The following CHD6 variants were observed in gnomAD, a reference collection of about 807,000 sequenced individuals.
CHD6 encodes chromodomain helicase DNA binding protein 6, also known as ATP-dependent chromatin remodeler CHD6.
CHD6 carries 50 observed loss-of-function variants against 276.9 expected under a neutral mutation model. The ratio of observed to expected loss-of-function variants is 0.18; its 90% CI spans 0.14 to 0.23. CHD6 has a LOEUF of 0.23. Among genes scored for constraint, CHD6 ranks in the 10% least tolerant of loss-of-function variants. CHD6 has a pLI of 1.00. For missense variants in CHD6, 2,564 were observed against 3,365.8 expected (o/e 0.76, Z 5.89); for synonymous variants, 1,173 against 1,229.3 (o/e 0.95, Z 0.96).
chr20:41,435,487 C>CCTA (rs1215746875), intron 27 of CHD6, among the ~76,000 whole-genome samples: 1 of 151,626 alleles, frequency 6.6e-6, no homozygotes, highest in Non-Finnish European at 1.5e-5. Context: ...ACCTGTGGTC[C>CCTA]CTACTACTTG....
intron 17 of CHD6, among the ~76,000 whole-genome samples, chr20:41,467,542 A>C (rs185676887): frequency 6.7e-6 from 1 of 149,936 alleles, no homozygotes; most frequent in Non-Finnish European, 1.5e-5. Context: ...AGAGAAATGA[A>C]TAACGACGTT....
chr20:41,587,856 G>A (rs2045612937), intron 1 of CHD6, among the ~76,000 whole-genome samples: 1 of 152,008 alleles, frequency 6.6e-6, no homozygotes, highest in Admixed American at 6.6e-5. Flanking sequence ...AAACCCTGCT[G>A]GGCAAAATAG....
At chr20:41,581,738 A>C (rs371908350) in intron 1 of CHD6, among the ~76,000 whole-genome samples, 3 of 152,308 alleles carry the variant, frequency 2.0e-5, no homozygotes, top group East Asian at 1.9e-4. Context: ...TGAAAAAGTA[A>C]ATCTACTAGT....
chr20:41,462,727 C>G (rs117629411), intron 17 of CHD6, among the ~76,000 whole-genome samples: 1 of 152,064 alleles, frequency 6.6e-6, no homozygotes, highest in Non-Finnish European at 1.5e-5. Context: ...GAAATAGATA[C>G]GGATATGCAT....
chr20:41,534,678 A>AAAAT (rs3055653), intron 2 of CHD6, among the ~76,000 whole-genome samples: 1,742 of 152,166 alleles, frequency 0.011, 27 homozygotes, highest in African/African-American at 0.035. Context: ...ACTACTTTCA[A>AAAAT]AAATAAATAA....
At chr20:41,560,424 C>A (rs1428997436) in intron 1 of CHD6, among the ~76,000 whole-genome samples, 2 of 152,200 alleles carry the variant, frequency 1.3e-5, no homozygotes, top group Non-Finnish European at 2.9e-5. Context: ...AAATTCAGAT[C>A]TGGTGTCATG....
At chr20:41,555,208 G>C (rs1215741973) in intron 1 of CHD6, among the ~76,000 whole-genome samples, 2 of 129,706 alleles carry the variant, frequency 1.5e-5, no homozygotes, top group African/African-American at 6.2e-5. Flanking sequence ...CTCACCTCCC[G>C]GATGGGGCGG....
intron 1 of CHD6, among the ~76,000 whole-genome samples, chr20:41,600,438 G>A (rs1385614871): frequency 6.6e-6 from 1 of 152,140 alleles, no homozygotes; most frequent in African/African-American, 2.4e-5. Flanking sequence ...AGTGAGGGGG[G>A]GGTCTTATCC....
Position 41,404,701 on chromosome 20 carries a change from G to A in CHD6, c.8040C>T (p.Ser2680=), listed in dbSNP as rs368334964. The A allele has an allele frequency of 1.6e-5, 26 of 1,595,664 alleles. No individual in the cohort carries two copies. The highest frequency in any genetic ancestry group is 1.0e-4 in the Admixed American group (6 of 57,664). Residue 2680 remains serine, a synonymous_variant, in exon 37 of 37, where the codon AGC becomes AGT. Coordinates refer to ENST00000373233, the MANE Select transcript of CHD6 (RefSeq NM_032221.5). ...TGGGTTCGGCACAGTTCTCATCACCGCTGGGCTCCCTTTCACAGCTGGGAG... is the reference window on the plus strand; with the variant it reads ...TGGGTTCGGCACAGTTCTCATCACCACTGGGCTCCCTTTCACAGCTGGGAG... The part of the protein sequence containing the change: ...EPAPSCEREP[S]GDENCAEPSA...
chr20:41,468,108 CT>C (rs34106201), intron 17 of CHD6, among the ~76,000 whole-genome samples: 542 of 136,546 alleles, frequency 4.0e-3, no homozygotes, highest in Non-Finnish European at 5.4e-3. Context: ...TCCTATCATT[CT>C]TTTTTTTTTT....
At chr20:41,454,549 CTT>C in intron 20 of CHD6, 75 bp downstream of exon 20, 7 of 1,130,806 alleles carry the variant, frequency 6.2e-6, no homozygotes, top group Non-Finnish European at 9.1e-6. Context: ...TAAATAATGA[CTT>C]GAGCTGTGTA....
chr20:41,466,039 C>T (rs570676811), intron 17 of CHD6, among the ~76,000 whole-genome samples: 1 of 152,076 alleles, frequency 6.6e-6, no homozygotes, highest in Non-Finnish European at 1.5e-5. Context: ...CCTGTCTCTA[C>T]TAAAAATACA....
Position 41,596,542 on chromosome 20 carries a change from CA to C in CHD6, c.-24+21797del, listed in dbSNP as rs375430902. On this transcript the variant is annotated intron_variant, in intron 1 of 36. Transcript: ENST00000373233. ...CGGTCAAAATATCCCTGCAGCAGAA[CA>C]AAAATTTCTGGCCCAAGACCCGCAA... Among the ~76,000 whole-genome samples the C allele has an allele frequency of 5.3e-5, 8 of 152,010 alleles. No homozygotes were observed. The East Asian group carries it at 1.2e-3, about 22-fold the overall frequency.
chr20:41,612,800 C>T (rs1334818861), intron 1 of CHD6, among the ~76,000 whole-genome samples: 1 of 152,106 alleles, frequency 6.6e-6, no homozygotes, highest in East Asian at 1.9e-4. Context: ...CAAGTCAATG[C>T]CCTTCGCAAT....
chr20:41,562,150 T>C (rs1226614720), intron 1 of CHD6, among the ~76,000 whole-genome samples: 2 of 152,182 alleles, frequency 1.3e-5, no homozygotes, highest in Admixed American at 1.3e-4. Flanking sequence ...TCTGAGAAGT[T>C]TCCTCAACTT....
chr20:41,588,827 A>G (rs1342673353), intron 1 of CHD6, among the ~76,000 whole-genome samples: 1 of 152,186 alleles, frequency 6.6e-6, no homozygotes, highest in African/African-American at 2.4e-5. Context: ...CTTATAGGAT[A>G]TGGTCTAAAA....
intron 3 of CHD6, among the ~76,000 whole-genome samples, chr20:41,530,564 G>T (rs2146056899): frequency 6.6e-6 from 1 of 152,280 alleles, no homozygotes; most frequent in African/African-American, 2.4e-5. Flanking sequence ...ACATATGTGT[G>T]TGTATATATA....
chr20:41,559,851 ACT>A, intron 1 of CHD6, among the ~76,000 whole-genome samples: 1 of 151,808 alleles, frequency 6.6e-6, no homozygotes, highest in African/African-American at 2.4e-5. Flanking sequence ...CCAAAACGAA[ACT>A]CAGTACCACC....
rs1877325077 is a variant in CHD6, at chr20:41,403,547, G to A, written c.*1046C>T. On this transcript the variant is annotated 3_prime_UTR_variant, in exon 37 of 37. Coordinates refer to ENST00000373233, the MANE Select transcript of CHD6 (RefSeq NM_032221.5). Reference sequence around the variant, plus strand: ...AATGGAGAAGTAACTTTTCATAGCTGTATTATAAAGGGTGGCACACATTTG... The same window carrying A: ...AATGGAGAAGTAACTTTTCATAGCTATATTATAAAGGGTGGCACACATTTG... 1.9e-6 allele frequency: 2 copies of A among 1,063,078 alleles called. No homozygotes were observed. Among genetic ancestry groups the A allele is most frequent in the African/African-American group, 1.6e-5 (1 of 60,954 alleles). The allele number at this position is 1,063,078 out of a possible 1,614,324, so 65.9% of individuals were successfully genotyped here.
Sources: gnomAD v4.1 joint callset for allele counts (sites outside exome capture counted in the v4.1 genomes callset) on GRCh38, gnomAD v4.1.1 for gene constraint, MANE v1.5 for transcripts, NCBI Gene and HGNC (gene_info 2026-07-23, HGNC 2026-07-21) for gene names.